FOXR1: variants seen among roughly 807,000 people sequenced by gnomAD.
The protein encoded by FOXR1 is forkhead box protein R1.
In FOXR1, 25 loss-of-function variants were observed where a neutral mutation model predicts 34.5. The ratio of observed to expected loss-of-function variants is 0.72; its 90% CI spans 0.53 to 1.01. The LOEUF is 1.01. FOXR1 is among the 50% of genes least tolerant of loss of function. The pLI, the probability that FOXR1 is intolerant of heterozygous loss-of-function variation, is 0.00. For missense variants in FOXR1, 373 were observed against 376.2 expected, an observed-to-expected ratio of 0.99 and a Z score of 0.07; for synonymous variants, 153 against 141.6, an observed-to-expected ratio of 1.08 and a Z score of -0.57.
rs1243396688 is a variant in FOXR1 at position 118,975,420 on chromosome 11, CT to C, written c.62-3348del. Among the ~76,000 whole-genome samples the C allele has an allele frequency of 8.2e-3, 1,168 of 141,698 alleles. 3 individuals carry two copies. The highest frequency in any genetic ancestry group is 0.015 in the African/African-American group (587 of 38,888). The allele number at this position is 141,698 out of a possible 152,430, so 93.0% of individuals were successfully genotyped here. A position where few individuals can be genotyped will look rare whatever the true frequency, so the allele number is the denominator to read the frequency against. ...GATAATCTTTTTCTTTTTCTTTCTT[CT>C]TTTTTTTTTTTTTAGAGACAGGGTC... On this transcript the variant is annotated intron_variant, in intron 1 of 5. Transcript: ENST00000317011.
At chr11:118,972,505 G>A (rs75460900) in intron 1 of FOXR1, among the ~76,000 whole-genome samples, 1 of 151,992 alleles carries the variant, frequency 6.6e-6, no homozygotes, top group East Asian at 1.9e-4. Context: ...TGACCATCGC[G>A]ATCTTTTAGG....
chr11:118,972,036 G>GA (rs1367138108), intron 1 of FOXR1, 44 bp downstream of exon 1: 30 of 1,338,314 alleles, frequency 2.2e-5, no homozygotes, highest in Non-Finnish European at 2.7e-5. Context: ...GCGTGGCGGA[G>GA]GGTGGCCTAG....
intron 1 of FOXR1, among the ~76,000 whole-genome samples, chr11:118,974,744 A>T (rs1941758633): frequency 6.6e-6 from 1 of 152,168 alleles, no homozygotes. Context: ...ACAAGAGATG[A>T]TGGTAGATTG....
Position 118,978,803 on chromosome 11 carries a change from T to C in FOXR1, c.83T>C (p.Ile28Thr), listed in dbSNP as rs782395432. The change falls in exon 2 of 6, where the codon ATT becomes ACT. Residue 28 changes from isoleucine (I) to threonine (T), a missense_variant. Transcript: ENST00000317011. ...EQKLARYKLR[I>T]VKPPKLPLEK... ...CCAGTTGCCAGGTATAAACTCCGAA[T>C]TGTTAAGCCACCAAAATTACCCCTA... 6.2e-7 allele frequency: 1 copy of C among 1,614,134 alleles called. No homozygotes were observed. The highest frequency in any genetic ancestry group is 1.1e-5 in the South Asian group (1 of 91,076).
chr11:118,979,439 T>C lies in FOXR1; in HGVS notation c.385-3T>C. The stretch of plus-strand genomic sequence containing the variant: ...GACCAGTTCCTACTCTGTGCTCCTC[T>C]AGCTCACAGAAGAGGAGGAGGCTGA... On this transcript the variant is annotated splice_polypyrimidine_tract_variant and splice_region_variant and intron_variant, in intron 3 of 5. Transcript: ENST00000317011. 1 of 1,603,996 alleles carries C rather than the reference T, an allele frequency of 6.2e-7. No homozygotes were observed.
chr11:118,972,337 TCTC>T (rs570816802), intron 1 of FOXR1, among the ~76,000 whole-genome samples: 2 of 151,992 alleles, frequency 1.3e-5, no homozygotes, highest in South Asian at 4.1e-4. Context: ...TTCTGGGTCT[TCTC>T]CTTGGCGCTG....
intron 1 of FOXR1, among the ~76,000 whole-genome samples, chr11:118,973,274 G>A (rs532554571): frequency 2.0e-5 from 3 of 152,060 alleles, no homozygotes; most frequent in Non-Finnish European, 4.4e-5. Flanking sequence ...ATTCTACTGG[G>A]GGCAGACAGA....
At chr11:118,973,929 C>T (rs1346689020) in intron 1 of FOXR1, among the ~76,000 whole-genome samples, 2 of 152,148 alleles carry the variant, frequency 1.3e-5, no homozygotes, top group South Asian at 2.1e-4. Context: ...AACTCCTGGC[C>T]TCAAGTGATC....
At chr11:118,972,916 C>T (rs1158701018) in intron 1 of FOXR1, among the ~76,000 whole-genome samples, 1 of 152,124 alleles carries the variant, frequency 6.6e-6, no homozygotes, top group Non-Finnish European at 1.5e-5. Context: ...CTTAAGTCTC[C>T]ACCCCTCCTT....
chr11:118,978,690 C>A, intron 1 of FOXR1, 92 bp from the exon 2 acceptor site: 1 of 1,377,140 alleles, frequency 7.3e-7, no homozygotes, highest in Non-Finnish European at 1.0e-6. Flanking sequence ...GGCCCACAAC[C>A]TTCTCCCAGA....
intron 4 of FOXR1, among the ~76,000 whole-genome samples, chr11:118,980,078 A>G (rs1424840272): frequency 6.6e-6 from 1 of 152,130 alleles, no homozygotes; most frequent in Non-Finnish European, 1.5e-5. Context: ...CCAGTTGAGA[A>G]GGATTTTCCA....
At chr11:118,978,930 T>C (rs370758222) in intron 2 of FOXR1, 27 bp from the exon 3 acceptor site, 11 of 1,613,412 alleles carry the variant, frequency 6.8e-6, no homozygotes, top group African/African-American at 1.3e-5. Context: ...CAGTGGGCTG[T>C]GGCACACAAT....
At chr11:118,975,725 T>A (rs1162039061) in intron 1 of FOXR1, among the ~76,000 whole-genome samples, 6 of 152,296 alleles carry the variant, frequency 3.9e-5, no homozygotes, top group Middle Eastern at 3.4e-3. Flanking sequence ...AACAACATCC[T>A]TGAAAAAGCA....
rs141403504 is a variant in FOXR1, at chr11:118,978,785, C to G, written c.65C>G (p.Ala22Gly). 8.9e-4 allele frequency: 1,440 copies of G among 1,614,062 alleles called. 12 individuals carry two copies. Among genetic ancestry groups the G allele is most frequent in the Non-Finnish European group, 3.3e-4 (386 of 1,179,990 alleles). Reference protein sequence around the residue: ...SHLPLAEQKLARYKLRIVKPP... With the variant: ...SHLPLAEQKLGRYKLRIVKPP... The stretch of plus-strand genomic sequence containing the variant: ...TCTCTGTCTTTCTTTTTGCCAGTTG[C>G]CAGGTATAAACTCCGAATTGTTAAG... The change falls in exon 2 of 6, where the codon GCC becomes GGC. Residue 22 changes from alanine (A) to glycine (G), a missense_variant. Coordinates refer to ENST00000317011, the MANE Select transcript of FOXR1 (RefSeq NM_181721.3).
intron 1 of FOXR1, among the ~76,000 whole-genome samples, chr11:118,976,236 C>T (rs184956920): frequency 1.6e-3 from 240 of 152,328 alleles, no homozygotes; most frequent in African/African-American, 5.7e-3. Flanking sequence ...GGCTTTGTTG[C>T]CCAAGCTGGA....
At chr11:118,975,420 CTTT>C (rs1243396688) in intron 1 of FOXR1, among the ~76,000 whole-genome samples, 5 of 141,910 alleles carry the variant, frequency 3.5e-5, no homozygotes, top group Admixed American at 7.1e-5. Context: ...TTTCTTTCTT[CTTT>C]TTTTTTTTTT....
rs143117752 is a variant in FOXR1 at position 118,979,121 on chromosome 11, G to T, written c.301G>T (p.Ala101Ser). Reference protein sequence around the residue: ...KEEDASCSEAAGVESLSQSSS... With the variant: ...KEEDASCSEASGVESLSQSSS... ...GGAAGATGCCAGCTGCTCAGAGGCC[G>T]CAGGGGTGGAATCACTGTCCCAGTC... is the stretch of plus-strand genomic sequence containing the variant. Residue 101 changes from alanine to serine, a missense_variant, in exon 3 of 6, where the codon GCA becomes TCA. By Grantham distance (99) the Ala-to-Ser change is moderately conservative. Transcript: ENST00000317011. The T allele has an allele frequency of 6.9e-6, 11 of 1,604,466 alleles. No homozygotes were observed. Among genetic ancestry groups the T allele is most frequent in the Non-Finnish European group, 7.7e-6 (9 of 1,175,870 alleles).
rs782811502 is a variant in FOXR1, at chr11:118,980,574, G to A, written c.696G>A (p.Glu232=). Residue 232 remains glutamate (E), a synonymous_variant, in exon 5 of 6, where the codon GAG becomes GAA. Transcript: ENST00000317011. ...ATCTCTGTTTTCGAGACAGCTTTGAGAAAGTGCCTGTCAGCATGCAGGGCG... is the reference window on the plus strand; with the variant it reads ...ATCTCTGTTTTCGAGACAGCTTTGAAAAAGTGCCTGTCAGCATGCAGGGCG... ...RHNLCFRDSF[E]KVPVSMQGGA... 15 of 1,614,270 alleles carry A rather than the reference G, an allele frequency of 9.3e-6. 1 individual carries two copies. The South Asian group carries it at 1.6e-4, about 18-fold the overall frequency.
At chr11:118,977,053 CAG>C (rs1565646098) in intron 1 of FOXR1, among the ~76,000 whole-genome samples, 1 of 151,988 alleles carries the variant, frequency 6.6e-6, no homozygotes, top group African/African-American at 2.4e-5. Context: ...TTTTTTGAGA[CAG>C]AGTCTTGCTG....
Sources: allele counts gnomAD v4.1 joint callset (sites outside exome capture counted in the v4.1 genomes callset), GRCh38; gene constraint gnomAD v4.1.1; transcripts MANE v1.5; gene names NCBI Gene and HGNC (gene_info 2026-07-23, HGNC 2026-07-21).